The following SPOCK1 variants were observed in gnomAD, a reference collection of about 807,000 sequenced individuals.
The protein encoded by SPOCK1 is testican-1.
SPOCK1 carries 23 observed loss-of-function variants against 55.3 expected under a neutral mutation model. The observed-to-expected ratio is 0.42, with a 90% CI of 0.30 to 0.59. The LOEUF (loss-of-function observed/expected upper bound fraction) is 0.59. Among genes scored for constraint, SPOCK1 ranks in the 20% least tolerant of loss-of-function variants. The pLI is 0.22. For synonymous variants in SPOCK1, 226 were observed against 221.0 expected (o/e 1.02, Z -0.20); for missense variants, 499 against 552.5 (o/e 0.90, Z 0.97).
At chr5:137,368,093 C>T (rs540575456) in intron 2 of SPOCK1, among the ~76,000 whole-genome samples, 2 of 152,348 alleles carry the variant, frequency 1.3e-5, no homozygotes, top group African/African-American at 4.8e-5. Context: ...GACACACTCA[C>T]TAGCCCAAAT....
intron 2 of SPOCK1, among the ~76,000 whole-genome samples, chr5:137,421,845 G>T (rs879836204): frequency 6.6e-6 from 1 of 152,198 alleles, no homozygotes; most frequent in Non-Finnish European, 1.5e-5. Context: ...TCGTTATGAT[G>T]TTAGCTGGTT....
chr5:137,030,851 C>G (rs1413212147), intron 6 of SPOCK1, among the ~76,000 whole-genome samples: 1 of 152,146 alleles, frequency 6.6e-6, no homozygotes, highest in Non-Finnish European at 1.5e-5. Context: ...ACTAGTTAAA[C>G]ACATCCTATG....
chr5:137,040,802 T>C (rs1751981256), intron 6 of SPOCK1, among the ~76,000 whole-genome samples: 1 of 152,138 alleles, frequency 6.6e-6, no homozygotes, highest in African/African-American at 2.4e-5. Context: ...TGTCACCCCA[T>C]GAGAGATGAT....
intron 4 of SPOCK1, among the ~76,000 whole-genome samples, chr5:137,138,486 A>T (rs1210140902): frequency 3.6e-5 from 4 of 112,456 alleles, no homozygotes; most frequent in Admixed American, 3.1e-4. Context: ...TGGACTCTCC[A>T]TCTTACACAC....
chr5:137,186,172 A>G (rs1202700543), intron 3 of SPOCK1, among the ~76,000 whole-genome samples: 1 of 152,172 alleles, frequency 6.6e-6, no homozygotes, highest in Non-Finnish European at 1.5e-5. Flanking sequence ...CCCCCTTCAG[A>G]TATTTTCCTC....
intron 5 of SPOCK1, among the ~76,000 whole-genome samples, chr5:137,102,252 A>G (rs1055473103): frequency 1.3e-5 from 2 of 152,146 alleles, no homozygotes; most frequent in Non-Finnish European, 2.9e-5. Flanking sequence ...TGGATATAAG[A>G]TTTCATTAAG....
chr5:137,246,122 A>G (rs1217249290), intron 3 of SPOCK1, among the ~76,000 whole-genome samples: 2 of 152,184 alleles, frequency 1.3e-5, no homozygotes, highest in African/African-American at 4.8e-5. Context: ...AGTCAACTCT[A>G]TCTACTGAGA....
At chr5:136,984,586 T>G (rs1310500998) in intron 9 of SPOCK1, among the ~76,000 whole-genome samples, 1 of 152,142 alleles carries the variant, frequency 6.6e-6, no homozygotes, top group Non-Finnish European at 1.5e-5. Context: ...TTGTGCATGT[T>G]AGGGGAACAC....
chr5:136,992,708 G>A (rs554760541), intron 6 of SPOCK1, 108 bp from the exon 7 acceptor site: 16 of 738,404 alleles, frequency 2.2e-5, no homozygotes, highest in Non-Finnish European at 3.3e-5. Flanking sequence ...ATCCAACCAC[G>A]ATATAACTGT....
At chr5:137,259,688 TAAA>T (rs61576266) in intron 3 of SPOCK1, among the ~76,000 whole-genome samples, 3 of 130,218 alleles carry the variant, frequency 2.3e-5, no homozygotes. Context: ...CACATGAAAG[TAAA>T]AAAAAAAAAA....
rs138712798 is a variant in SPOCK1, at chr5:137,030,779, T to C, written c.589+36936A>G. Among the ~76,000 whole-genome samples the C allele has an allele frequency of 1.8e-3, 278 of 152,336 alleles. 4 individuals are homozygous for C. The highest frequency in any genetic ancestry group is 6.3e-3 in the African/African-American group (263 of 41,584). On this transcript the variant is annotated intron_variant, in intron 6 of 10. Transcript: ENST00000394945. Reference sequence around the variant, plus strand: ...CCTATCAAAGATGTGGACAAACGCCTATCTGTAATAATGCTAACAAAATAT... The same window carrying C: ...CCTATCAAAGATGTGGACAAACGCCCATCTGTAATAATGCTAACAAAATAT...
chr5:137,021,296 ATATTC>A (rs900289706), intron 6 of SPOCK1, among the ~76,000 whole-genome samples: 16 of 152,176 alleles, frequency 1.1e-4, no homozygotes, highest in Admixed American at 1.0e-3. Flanking sequence ...ATCTACAAAA[ATATTC>A]TAAAGCAAGC....
At chr5:137,153,866 A>G (rs530642895) in intron 3 of SPOCK1, among the ~76,000 whole-genome samples, 65 of 116,222 alleles carry the variant, frequency 5.6e-4, no homozygotes, top group African/African-American at 1.7e-3. Flanking sequence ...TCAAAAAAAC[A>G]AAAAAACAAA....
chr5:137,481,190 T>C (rs1436563684), intron 2 of SPOCK1, among the ~76,000 whole-genome samples: 1 of 152,108 alleles, frequency 6.6e-6, no homozygotes, highest in Non-Finnish European at 1.5e-5. Flanking sequence ...GCCTTCTCTC[T>C]CTCTGCAAGC....
intron 4 of SPOCK1, among the ~76,000 whole-genome samples, chr5:137,133,179 C>T (rs559412527): frequency 6.6e-6 from 1 of 152,062 alleles, no homozygotes; most frequent in Admixed American, 6.5e-5. Context: ...ACCATCCTGG[C>T]TAACACAGCG....
chr5:137,445,659 A>T (rs1314452390), intron 2 of SPOCK1, among the ~76,000 whole-genome samples: 1 of 152,210 alleles, frequency 6.6e-6, no homozygotes. Flanking sequence ...AAAATGATTT[A>T]ATCCAGCAAT....
intron 3 of SPOCK1, among the ~76,000 whole-genome samples, chr5:137,204,235 T>C (rs1000785931): frequency 1.3e-5 from 2 of 152,172 alleles, no homozygotes; most frequent in African/African-American, 4.8e-5. Flanking sequence ...ATTATTTTTT[T>C]ATTTTGTTCA....
intron 6 of SPOCK1, among the ~76,000 whole-genome samples, chr5:137,024,525 G>A (rs528180834): frequency 6.6e-6 from 1 of 151,688 alleles, no homozygotes; most frequent in East Asian, 1.9e-4. Flanking sequence ...ACCCCTCTGT[G>A]GCTCTAACAT....
intron 2 of SPOCK1, among the ~76,000 whole-genome samples, chr5:137,313,828 T>C (rs1040256349): frequency 8.0e-5 from 12 of 150,898 alleles, no homozygotes; most frequent in African/African-American, 2.4e-4. Context: ...GATCATATAC[T>C]GCAAGGCTCC....
Sources: gnomAD v4.1 joint callset for allele counts (sites outside exome capture counted in the v4.1 genomes callset) on GRCh38, gnomAD v4.1.1 for gene constraint, MANE v1.5 for transcripts, NCBI Gene and HGNC (gene_info 2026-07-23, HGNC 2026-07-21) for gene names.